C20orf203: variants seen among roughly 807,000 people sequenced by gnomAD.
C20orf203 encodes the protein uncharacterized protein C20orf203.
Under a neutral mutation model 15.9 loss-of-function variants are expected in C20orf203, and 16 were observed. The ratio of observed to expected loss-of-function variants is 1.01; its 90% confidence interval spans 0.68 to 1.53. The LOEUF (loss-of-function observed/expected upper bound fraction) is 1.53. Among genes scored for constraint, C20orf203 ranks in the 40% most tolerant of loss-of-function variants. The probability of loss-of-function intolerance (pLI) is 0.00; values close to 1 mark genes in which losing one functional copy is unlikely to be tolerated. For synonymous variants in C20orf203, 98 were observed against 97.2 expected, an observed-to-expected ratio of 1.01 and a Z score of -0.05; for missense variants, 263 against 247.5, an observed-to-expected ratio of 1.06 and a Z score of -0.42.
At chr20:32,667,129 G>A (rs1398084465) in intron 1 of C20orf203, among the ~76,000 whole-genome samples, 1 of 152,058 alleles carries the variant, frequency 6.6e-6, no homozygotes, top group African/African-American at 2.4e-5. Flanking sequence ...GTGGCCACTG[G>A]CTGGGGCTGC....
intron 1 of C20orf203, among the ~76,000 whole-genome samples, chr20:32,667,032 C>CATT: frequency 6.6e-6 from 1 of 151,704 alleles, no homozygotes; most frequent in African/African-American, 2.4e-5. Context: ...TGATTTACAT[C>CATT]CTTTTTTTTG....
Position 32,650,636 on chromosome 20 carries a change from C to T in C20orf203, c.381G>A (p.Arg127=). The T allele has an allele frequency of 6.5e-7, 1 of 1,548,104 alleles. No homozygotes were observed. Among genetic ancestry groups the T allele is most frequent in the Non-Finnish European group, 8.7e-7 (1 of 1,145,164 alleles). ...TTGCCCTCCCCCGCCCAGCAGGGGC[C>T]CGCAGCCCCCTCCCCACTTCCCTAT... is the stretch of plus-strand genomic sequence containing the variant. The part of the protein sequence containing the change: ...RRDREVGRGL[R]APAGRGRAMG... The change falls in exon 4 of 6, where the codon CGG becomes CGA. Residue 127 remains arginine (R), a synonymous_variant. Transcript: ENST00000608990.
At chr20:32,639,999 G>C (rs1241527417) in intron 5 of C20orf203, among the ~76,000 whole-genome samples, 8 of 152,304 alleles carry the variant, frequency 5.3e-5, no homozygotes. Flanking sequence ...GTGGAGGTGG[G>C]TCCTCGGTTA....
intron 5 of C20orf203, among the ~76,000 whole-genome samples, chr20:32,636,835 TCTGCCCAGGA>T (rs1166079657): frequency 6.6e-6 from 1 of 152,238 alleles, no homozygotes; most frequent in African/African-American, 2.4e-5. Flanking sequence ...TTCATCCTGG[TCTGCCCAGGA>T]CTGCCCAGTT....
chr20:32,659,560 C>A (rs1359238051), intron 1 of C20orf203, among the ~76,000 whole-genome samples: 1 of 152,232 alleles, frequency 6.6e-6, no homozygotes, highest in Non-Finnish European at 1.5e-5. Flanking sequence ...CCCAGGTGCT[C>A]AAAGTGGAGG....
In C20orf203 at chr20:32,640,657, C is replaced by T. The variant is rs1982256064; in HGVS notation, c.*1208G>A. On this transcript the variant is annotated 3_prime_UTR_variant, in exon 5 of 6. Coordinates refer to ENST00000608990, the MANE Select transcript of C20orf203 (RefSeq NM_182584.4). Reference sequence around the variant, plus strand: ...AGCGAGCTGAGATCACGCCACTGCACTCCATCCAGCCTGGGCAAAAGAGCG... The same window carrying T: ...AGCGAGCTGAGATCACGCCACTGCATTCCATCCAGCCTGGGCAAAAGAGCG... 6.6e-6 allele frequency: 1 copy of T among 152,146 alleles called. No individual in the cohort carries two copies. Among genetic ancestry groups the T allele is most frequent in the Admixed American group, 6.6e-5 (1 of 15,258 alleles). 9.4% of individuals were successfully genotyped at this position (152,146 alleles called of 1,614,324 possible).
At chr20:32,661,606 G>A (rs1162354914) in intron 1 of C20orf203, among the ~76,000 whole-genome samples, 1 of 151,302 alleles carries the variant, frequency 6.6e-6, no homozygotes, top group African/African-American at 2.5e-5. Flanking sequence ...CTGGTTCTGG[G>A]GTGCTGAGCA....
At chr20:32,638,273 A>T (rs1982192266) in intron 5 of C20orf203, among the ~76,000 whole-genome samples, 1 of 152,168 alleles carries the variant, frequency 6.6e-6, no homozygotes, top group Non-Finnish European at 1.5e-5. Flanking sequence ...TGCTTCATGT[A>T]TGTTTTCTCA....
chr20:32,644,458 A>C (rs1434928167), intron 4 of C20orf203, among the ~76,000 whole-genome samples: 1 of 152,030 alleles, frequency 6.6e-6, no homozygotes, highest in African/African-American at 2.4e-5. Flanking sequence ...TAAAACCAAA[A>C]CAAACCAAAA....
At position 32,667,917 on chromosome 20, in the gene C20orf203, C is replaced by T. The variant is rs558262931; in HGVS notation, c.-264+5715G>A. ...ATCTCCTGACCTCGTGATCTGCCTGCCTTGGCCTCCAAAAGTGCTGGGATT... is the reference window on the plus strand; with the variant it reads ...ATCTCCTGACCTCGTGATCTGCCTGTCTTGGCCTCCAAAAGTGCTGGGATT... On this transcript the variant is annotated intron_variant, in intron 1 of 5. Coordinates refer to ENST00000608990, the MANE Select transcript of C20orf203 (RefSeq NM_182584.4). 5.9e-5 allele frequency among the ~76,000 whole-genome samples: 9 copies of T among 152,294 alleles called. No individual in the cohort carries two copies. In the East Asian group the frequency reaches 1.7e-3, roughly 29 times the overall value.
At chr20:32,653,302 C>T (rs902691639) in intron 1 of C20orf203, among the ~76,000 whole-genome samples, 5 of 152,188 alleles carry the variant, frequency 3.3e-5, no homozygotes, top group African/African-American at 1.2e-4. Flanking sequence ...CCCAGAAGTT[C>T]CTCTGTACCA....
At chr20:32,665,748 G>A (rs1380854892) in intron 1 of C20orf203, among the ~76,000 whole-genome samples, 3 of 152,056 alleles carry the variant, frequency 2.0e-5, no homozygotes, top group Admixed American at 6.6e-5. Context: ...GGTGGATCAC[G>A]AGGTCAGGAG....
At chr20:32,645,309 T>C (rs2145666253) in intron 4 of C20orf203, among the ~76,000 whole-genome samples, 1 of 152,350 alleles carries the variant, frequency 6.6e-6, no homozygotes, top group African/African-American at 2.4e-5. Flanking sequence ...CATTCCCAGC[T>C]GCCCTCAGGT....
In C20orf203 at chr20:32,650,835, C is replaced by T. The variant is rs1266011033; in HGVS notation, c.182G>A (p.Gly61Asp). Residue 61 changes from glycine to aspartate, a missense_variant, in exon 4 of 6, where the codon GGC becomes GAC. Physicochemically the swap from Gly to Asp is moderately conservative, Grantham distance 94. Coordinates refer to ENST00000608990, the MANE Select transcript of C20orf203 (RefSeq NM_182584.4). The stretch of plus-strand genomic sequence containing the variant: ...TGAGGTCCTCCTTCCCGCCCCACCG[C>T]CAAGGTCCCAGAGGTGGGCAGTGAG... ...AGLTAHLWDL[G>D]GGAGRRTSKA... is the part of the protein sequence containing the mutation. 35 of 1,471,318 alleles carry T rather than the reference C, an allele frequency of 2.4e-5. No homozygotes were observed. Among genetic ancestry groups the T allele is most frequent in the Non-Finnish European group, 1.8e-5 (20 of 1,108,840 alleles). The allele number at this position is 1,471,318 out of a possible 1,614,324, so 91.1% of individuals were successfully genotyped here.
chr20:32,653,307 G>A (rs556553644), intron 1 of C20orf203, among the ~76,000 whole-genome samples: 279 of 152,274 alleles, frequency 1.8e-3, no homozygotes, highest in Middle Eastern at 3.4e-3. Flanking sequence ...AAGTTCCTCT[G>A]TACCAATGCT....
At chr20:32,636,894 C>T (rs928515854) in intron 5 of C20orf203, among the ~76,000 whole-genome samples, 1 of 152,174 alleles carries the variant, frequency 6.6e-6, no homozygotes, top group South Asian at 2.1e-4. Flanking sequence ...CCCCTCAGGC[C>T]TGGGCAAACC....
intron 5 of C20orf203, among the ~76,000 whole-genome samples, chr20:32,637,164 C>T (rs1982158725): frequency 6.6e-6 from 1 of 152,210 alleles, no homozygotes; most frequent in Non-Finnish European, 1.5e-5. Context: ...AATCCCAGCA[C>T]TTTAGGAGAA....
intron 1 of C20orf203, among the ~76,000 whole-genome samples, chr20:32,666,621 G>T (rs1983033081): frequency 6.7e-6 from 1 of 149,988 alleles, no homozygotes; most frequent in African/African-American, 2.4e-5. Flanking sequence ...AAATTAGCCA[G>T]GTGTGGTGGC....
intron 1 of C20orf203, among the ~76,000 whole-genome samples, chr20:32,665,808 A>C (rs1343345554): frequency 1.3e-5 from 2 of 152,148 alleles, no homozygotes; most frequent in African/African-American, 4.8e-5. Context: ...TACTTAAAAA[A>C]AAATTTTTTT....
Sources: allele counts gnomAD v4.1 joint callset (sites outside exome capture counted in the v4.1 genomes callset), GRCh38; gene constraint gnomAD v4.1.1; transcripts MANE v1.5; gene names NCBI Gene and HGNC (gene_info 2026-07-23, HGNC 2026-07-21).